Variants in DACH2 observed in about 807,000 individuals in gnomAD.
DACH2 encodes dachshund family transcription factor 2, also known as dachshund homolog 2.
A neutral mutation model predicts 35.8 loss-of-function variants in DACH2; 17 were observed. The ratio of observed to expected loss-of-function variants is 0.48; its 90% CI spans 0.33 to 0.71. The LOEUF is 0.71. Among genes scored for constraint, DACH2 ranks in the 30% least tolerant of loss-of-function variants. DACH2 has a pLI of 0.02. For synonymous variants in DACH2, 195 were observed against 177.3 expected, an observed-to-expected ratio of 1.10 and a Z score of -0.79; for missense variants, 469 against 472.7, an observed-to-expected ratio of 0.99 and a Z score of 0.07.
chrX:86,581,528 G>A (rs949685835), intron 3 of DACH2, among the ~76,000 whole-genome samples: 1 of 110,859 alleles, frequency 9.0e-6, no homozygotes, highest in Non-Finnish European at 1.9e-5. Flanking sequence ...GGAGCTTGGA[G>A]AAAACTCTAC....
At chrX:86,200,909 C>A (rs1305399906) in intron 1 of DACH2, among the ~76,000 whole-genome samples, 4 of 111,217 alleles carry the variant, frequency 3.6e-5, no homozygotes, top group Non-Finnish European at 7.6e-5. Flanking sequence ...CAGAAATACC[C>A]TTTGACCCAG....
At chrX:86,674,982 A>T (rs1261602857) in intron 4 of DACH2, among the ~76,000 whole-genome samples, 15 of 111,116 alleles carry the variant, frequency 1.3e-4, no homozygotes, top group Non-Finnish European at 2.4e-4. Context: ...AACATGTAAT[A>T]TGTATAAATT....
At chrX:86,654,382 T>A (rs778827426) in intron 4 of DACH2, among the ~76,000 whole-genome samples, 2 of 109,768 alleles carry the variant, frequency 1.8e-5, no homozygotes, top group African/African-American at 6.6e-5. Context: ...GAAGAGCAAT[T>A]AAAGAGGAAA....
Position 86,281,940 on chromosome X carries a change from A to G in DACH2, c.489-94884A>G, listed in dbSNP as rs534370955. 2.7e-5 allele frequency among the ~76,000 whole-genome samples: 3 copies of G among 112,108 alleles called. No individual in the cohort carries two copies. In the Admixed American group the frequency reaches 2.8e-4, roughly 11 times the overall value. On this transcript the variant is annotated intron_variant, in intron 1 of 11. Coordinates refer to ENST00000373125, the MANE Select transcript of DACH2 (RefSeq NM_053281.3). Reference sequence around the variant, plus strand: ...CATAAAATTCCTGGGAATAAAATTTACTAGGGATGTGAAGGACCTCTTCAA... The same window carrying G: ...CATAAAATTCCTGGGAATAAAATTTGCTAGGGATGTGAAGGACCTCTTCAA...
At chrX:86,193,164 G>A (rs2031882219) in intron 1 of DACH2, among the ~76,000 whole-genome samples, 1 of 111,618 alleles carries the variant, frequency 9.0e-6, no homozygotes, top group Non-Finnish European at 1.9e-5. Context: ...ATTAGAGAAA[G>A]ATAATGTTCT....
At chrX:86,512,759 C>T in intron 2 of DACH2, 1 of 222,406 alleles carries the variant, frequency 4.5e-6, no homozygotes, top group Non-Finnish European at 8.6e-6. Flanking sequence ...TTCCGATGAA[C>T]ATTTTTCAGT....
chrX:86,564,907 A>G (rs989758793), intron 3 of DACH2, among the ~76,000 whole-genome samples: 1 of 111,290 alleles, frequency 9.0e-6, no homozygotes, highest in African/African-American at 3.3e-5. Context: ...CTGTCTCAGT[A>G]AAGCTATCAT....
chrX:86,383,905 T>C (rs982620218), intron 2 of DACH2, among the ~76,000 whole-genome samples: 8 of 110,814 alleles, frequency 7.2e-5, no homozygotes, highest in Admixed American at 2.9e-4. Context: ...AATAATGTAA[T>C]GTTTTGCATG....
intron 1 of DACH2, among the ~76,000 whole-genome samples, chrX:86,284,366 T>C (rs1358621691): frequency 1.8e-5 from 2 of 112,013 alleles, no homozygotes; most frequent in Non-Finnish European, 3.8e-5. Context: ...TTGTTCTTCA[T>C]TCCGTTGATA....
intron 7 of DACH2, among the ~76,000 whole-genome samples, chrX:86,806,556 T>C (rs1359717216): frequency 2.7e-5 from 3 of 112,083 alleles, no homozygotes; most frequent in South Asian, 3.7e-4. Flanking sequence ...GGTCTAAACA[T>C]GAACTTAATT....
chrX:86,222,681 T>C (rs758963553), intron 1 of DACH2, among the ~76,000 whole-genome samples: 1 of 110,685 alleles, frequency 9.0e-6, no homozygotes, highest in Non-Finnish European at 1.9e-5. Context: ...AGACTTAATT[T>C]CACAATTTAC....
At chrX:86,209,846 G>A (rs1340680289) in intron 1 of DACH2, among the ~76,000 whole-genome samples, 1 of 111,046 alleles carries the variant, frequency 9.0e-6, no homozygotes, top group African/African-American at 3.3e-5. Flanking sequence ...GAACAACAGA[G>A]TGATAAATAT....
chrX:86,532,762 T>A (rs1412727372), intron 3 of DACH2, among the ~76,000 whole-genome samples: 2 of 111,416 alleles, frequency 1.8e-5, no homozygotes, highest in South Asian at 3.7e-4. Context: ...GGTTTATTCA[T>A]AATAAGCTCA....
intron 2 of DACH2, among the ~76,000 whole-genome samples, chrX:86,388,442 G>T (rs2036153459): frequency 9.0e-6 from 1 of 111,223 alleles, no homozygotes; most frequent in African/African-American, 3.3e-5. Context: ...CTCCCATTTT[G>T]CCCAGTTCCC....
intron 7 of DACH2, among the ~76,000 whole-genome samples, chrX:86,790,705 C>G (rs1354618346): frequency 9.0e-6 from 1 of 111,120 alleles, no homozygotes; most frequent in Admixed American, 9.6e-5. Flanking sequence ...ACCACTATGG[C>G]TGGATAATTT....
At chrX:86,450,144 T>C in intron 2 of DACH2, among the ~76,000 whole-genome samples, 1 of 111,152 alleles carries the variant, frequency 9.0e-6, no homozygotes, top group East Asian at 2.9e-4. Flanking sequence ...TGTGCTATGT[T>C]GTTTTGCTGC....
At chrX:86,537,243 A>G (rs2038815594) in intron 3 of DACH2, among the ~76,000 whole-genome samples, 1 of 111,368 alleles carries the variant, frequency 9.0e-6, no homozygotes, top group South Asian at 3.8e-4. Flanking sequence ...TTGCATTAGA[A>G]TGTGTTTAGC....
At chrX:86,289,896 C>T (rs2034240660) in intron 1 of DACH2, among the ~76,000 whole-genome samples, 1 of 108,624 alleles carries the variant, frequency 9.2e-6, no homozygotes, top group East Asian at 2.9e-4. Flanking sequence ...GTGCATGTGT[C>T]TTTATAGCAG....
chrX:86,691,564 T>C (rs1048332565), intron 4 of DACH2, among the ~76,000 whole-genome samples: 1 of 111,518 alleles, frequency 9.0e-6, no homozygotes, highest in African/African-American at 3.3e-5. Flanking sequence ...TCCAGTCTGC[T>C]TGGAGTTCTT....
Sources: allele counts gnomAD v4.1 joint callset (sites outside exome capture counted in the v4.1 genomes callset), GRCh38; gene constraint gnomAD v4.1.1; transcripts MANE v1.5; gene names NCBI Gene and HGNC (gene_info 2026-07-23, HGNC 2026-07-21).